Variants in GPC6 observed in about 807,000 individuals in gnomAD.
GPC6 encodes glypican 6, also known as glypican-6.
In GPC6, 14 loss-of-function variants were observed where a neutral mutation model predicts 55.2. That is an observed-to-expected ratio of 0.25 (90% CI 0.17 to 0.40). The LOEUF is 0.40. Ranked by LOEUF, GPC6 falls within the 10% of genes least tolerant of loss-of-function variation. GPC6 has a pLI of 1.00. For synonymous variants in GPC6, 278 were observed against 259.6 expected, an observed-to-expected ratio of 1.07 and a Z score of -0.68; for missense variants, 641 against 708.5, an observed-to-expected ratio of 0.90 and a Z score of 1.08.
At chr13:93,598,523 G>T (rs1037405747) in intron 2 of GPC6, among the ~76,000 whole-genome samples, 1 of 152,158 alleles carries the variant, frequency 6.6e-6, no homozygotes, top group African/African-American at 2.4e-5. Flanking sequence ...TGATCATTCA[G>T]TGAGGTATGG....
At chr13:94,109,650 G>A (rs746142774) in intron 4 of GPC6, among the ~76,000 whole-genome samples, 4 of 152,030 alleles carry the variant, frequency 2.6e-5, no homozygotes, top group South Asian at 2.1e-4. Flanking sequence ...GAGTCTTTTC[G>A]AATGTAGTCA....
intron 2 of GPC6, among the ~76,000 whole-genome samples, chr13:93,549,541 T>C (rs916823070): frequency 6.6e-6 from 1 of 152,146 alleles, no homozygotes; most frequent in Non-Finnish European, 1.5e-5. Flanking sequence ...TTATAATAAA[T>C]GGCAGAGTCA....
At position 93,750,076 on chromosome 13, in the gene GPC6, G is replaced by A. The variant is rs910975682; in HGVS notation, c.320-80078G>A. On this transcript the variant is annotated intron_variant, in intron 2 of 8. Coordinates refer to ENST00000377047, the MANE Select transcript of GPC6 (RefSeq NM_005708.5). ...GCCTAATAAATGACAAACAGACTTA[G>A]GGGAGAGAAAACTGTATCTGGGAAA... Among the ~76,000 whole-genome samples, 92 of 152,126 alleles carry A rather than the reference G, an allele frequency of 6.0e-4. 2 individuals carry two copies. The highest frequency in any genetic ancestry group is 5.8e-3 in the Admixed American group (89 of 15,260).
intron 4 of GPC6, among the ~76,000 whole-genome samples, chr13:94,188,564 C>T (rs187060720): frequency 2.4e-4 from 37 of 152,220 alleles, no homozygotes; most frequent in Non-Finnish European, 5.1e-4. Flanking sequence ...TACAAAGAAC[C>T]TAGCACTGCA....
At position 93,979,365 on chromosome 13, in the gene GPC6, T is replaced by C. The variant is rs573092052; in HGVS notation, c.712-48364T>C. ...TGTGTGTTTTTTTTAATTTTTTTTT[T>C]ATTATACTTTGATTAGTAGACTACT... On this transcript the variant is annotated intron_variant, in intron 3 of 8. Transcript: ENST00000377047. Among the ~76,000 whole-genome samples, 5 of 150,908 alleles carry C rather than the reference T, an allele frequency of 3.3e-5. No homozygotes were observed. In the South Asian group the frequency reaches 6.3e-4, roughly 19 times the overall value.
At chr13:93,991,693 C>T (rs926338001) in intron 3 of GPC6, among the ~76,000 whole-genome samples, 1 of 152,072 alleles carries the variant, frequency 6.6e-6, no homozygotes, top group African/African-American at 2.4e-5. Context: ...GAGCACTTTT[C>T]AACACACAGG....
intron 2 of GPC6, among the ~76,000 whole-genome samples, chr13:93,821,144 T>C (rs1006115813): frequency 6.6e-5 from 10 of 152,216 alleles, no homozygotes; most frequent in South Asian, 6.2e-4. Context: ...TTAAATACTT[T>C]TGTCATTTTA....
intron 6 of GPC6, 92 bp downstream of exon 6, chr13:94,306,215 A>C (rs775706646): frequency 7.5e-7 from 1 of 1,333,630 alleles, no homozygotes; most frequent in African/African-American, 1.4e-5. Context: ...AAAGTTTGTT[A>C]TAAGAGTCAT....
chr13:93,757,334 T>C (rs548094983), intron 2 of GPC6, among the ~76,000 whole-genome samples: 5 of 152,054 alleles, frequency 3.3e-5, no homozygotes, highest in Admixed American at 6.6e-5. Flanking sequence ...TGTCAGCAGA[T>C]TGTAAAGGGG....
intron 1 of GPC6, among the ~76,000 whole-genome samples, chr13:93,460,797 G>A (rs1878652170): frequency 6.6e-6 from 1 of 152,194 alleles, no homozygotes; most frequent in East Asian, 1.9e-4. Context: ...GTGATATGTT[G>A]CACCTTTCTG....
intron 3 of GPC6, among the ~76,000 whole-genome samples, chr13:93,986,649 A>G (rs971722958): frequency 1.3e-5 from 2 of 152,132 alleles, no homozygotes; most frequent in Admixed American, 1.3e-4. Context: ...TTACTATAAT[A>G]TTGGAACCAA....
At chr13:93,425,039 A>G (rs751823550) in intron 1 of GPC6, among the ~76,000 whole-genome samples, 6 of 152,190 alleles carry the variant, frequency 3.9e-5, no homozygotes, top group Non-Finnish European at 8.8e-5. Flanking sequence ...GGGCTGGGAC[A>G]AGGGTAGGGC....
chr13:93,657,017 C>G (rs1005775463), intron 2 of GPC6, among the ~76,000 whole-genome samples: 1 of 152,036 alleles, frequency 6.6e-6, no homozygotes, highest in African/African-American at 2.4e-5. Flanking sequence ...GTTAAAATGT[C>G]TATACTGCCC....
chr13:93,355,337 G>C (rs942704650), intron 1 of GPC6, among the ~76,000 whole-genome samples: 6 of 152,170 alleles, frequency 3.9e-5, no homozygotes, highest in Non-Finnish European at 8.8e-5. Flanking sequence ...ATGACACTAG[G>C]TGAAATAGGA....
intron 2 of GPC6, among the ~76,000 whole-genome samples, chr13:93,630,764 A>C (rs1594325657): frequency 6.6e-6 from 1 of 152,252 alleles, no homozygotes; most frequent in East Asian, 1.9e-4. Context: ...TTTTTGATAA[A>C]ATTATATACT....
At chr13:94,133,267 C>CAAAAA (rs66499161) in intron 4 of GPC6, among the ~76,000 whole-genome samples, 8 of 85,090 alleles carry the variant, frequency 9.4e-5, no homozygotes, top group East Asian at 7.4e-4. Flanking sequence ...TGACCAGTGA[C>CAAAAA]AAAAAAAAAA....
rs925129321 is a variant in GPC6, at chr13:94,209,848, A to T, written c.878-76501A>T. ...AATTTTTAATTTTTATTAATTAATT[A>T]ATTTATTTATTTACTGAGAAGGGGT... is the stretch of plus-strand genomic sequence containing the variant. On this transcript the variant is annotated intron_variant, in intron 4 of 8. Coordinates refer to ENST00000377047, the MANE Select transcript of GPC6 (RefSeq NM_005708.5). 1.6e-4 allele frequency among the ~76,000 whole-genome samples: 25 copies of T among 151,848 alleles called. 1 individual carries two copies. In the South Asian group the frequency reaches 1.7e-3, roughly 10 times the overall value.
chr13:94,035,533 C>G (rs547199034), intron 4 of GPC6, among the ~76,000 whole-genome samples: 1 of 152,110 alleles, frequency 6.6e-6, no homozygotes, highest in Non-Finnish European at 1.5e-5. Context: ...TGTAACAAGT[C>G]CCACGGCCAC....
At chr13:93,727,726 G>T (rs1043759335) in intron 2 of GPC6, among the ~76,000 whole-genome samples, 1 of 152,098 alleles carries the variant, frequency 6.6e-6, no homozygotes, top group Non-Finnish European at 1.5e-5. Flanking sequence ...CAGCCATTTG[G>T]CCAGTTTGCC....
Sources: allele counts gnomAD v4.1 joint callset (sites outside exome capture counted in the v4.1 genomes callset), GRCh38; gene constraint gnomAD v4.1.1; transcripts MANE v1.5; gene names NCBI Gene and HGNC (gene_info 2026-07-23, HGNC 2026-07-21).